Variants in MYOF observed in about 807,000 individuals in gnomAD.
The protein encoded by MYOF is fer-1-like 3, myoferlin.
A neutral mutation model predicts 284.2 loss-of-function variants in MYOF; 244 were observed. That is an observed-to-expected ratio of 0.86 (90% CI 0.77 to 0.95). The LOEUF is 0.95. MYOF is among the 40% of genes least tolerant of loss of function. The probability of loss-of-function intolerance (pLI) is 0.00; values close to 1 mark genes in which losing one functional copy is unlikely to be tolerated. For missense variants in MYOF, 2,496 were observed against 2,560.6 expected (o/e 0.97, Z 0.54); for synonymous variants, 904 against 919.7 (o/e 0.98, Z 0.31).
intron 45 of MYOF, among the ~76,000 whole-genome samples, chr10:93,327,149 A>T (rs527540848): frequency 6.6e-6 from 1 of 152,124 alleles, no homozygotes; most frequent in East Asian, 1.9e-4. Flanking sequence ...ACATGTAAGG[A>T]GCCTGGGTCT....
chr10:93,372,945 T>G lies in MYOF; in HGVS notation c.2442A>C (p.Gln814His). The G allele has an allele frequency of 6.2e-7, 1 of 1,614,222 alleles. No individual in the cohort carries two copies. Among genetic ancestry groups the G allele is most frequent in the Non-Finnish European group, 8.5e-7 (1 of 1,180,034 alleles). ...NASGKYCGKT[Q>H]TIFLKYPQEK... ...AGATATGTACCTTCAGAAAGATGGTTTGGGTTTTCCCACAGTATTTTCCAG... is the reference window on the plus strand; with the variant it reads ...AGATATGTACCTTCAGAAAGATGGTGTGGGTTTTCCCACAGTATTTTCCAG... Residue 814 changes from glutamine to histidine, a missense_variant, in exon 24 of 54, where the codon CAA becomes CAC. Gln to His is a conservative substitution (Grantham distance 24). Around this residue, in one of 3 missense-constraint regions of MYOF, gnomAD observed 2,436 missense variants for 2,480.7 expected, o/e 0.98. Coordinates refer to ENST00000359263, the MANE Select transcript of MYOF (RefSeq NM_013451.4).
At chr10:93,401,207 A>G (rs1847276716) in intron 12 of MYOF, among the ~76,000 whole-genome samples, 1 of 152,242 alleles carries the variant, frequency 6.6e-6, no homozygotes, top group Admixed American at 6.5e-5. Context: ...CAGGTACTCA[A>G]CAAGGAACAT....
intron 49 of MYOF, among the ~76,000 whole-genome samples, chr10:93,317,555 C>G (rs1163226316): frequency 6.6e-6 from 1 of 152,078 alleles, no homozygotes. Context: ...GAGAATCACT[C>G]AAACCTGGGA....
chr10:93,388,636 C>T (rs1846518528), intron 18 of MYOF, among the ~76,000 whole-genome samples: 1 of 152,204 alleles, frequency 6.6e-6, no homozygotes, highest in African/African-American at 2.4e-5. Flanking sequence ...AAGAGCATCT[C>T]CCATCTCTGG....
At chr10:93,318,743 A>C (rs1842728077) in intron 49 of MYOF, among the ~76,000 whole-genome samples, 1 of 152,162 alleles carries the variant, frequency 6.6e-6, no homozygotes, top group African/African-American at 2.4e-5. Context: ...GGGCAACAAC[A>C]GTGAAACTCT....
At chr10:93,454,064 C>G (rs2056671206) in intron 2 of MYOF, among the ~76,000 whole-genome samples, 2 of 152,120 alleles carry the variant, frequency 1.3e-5, no homozygotes, top group African/African-American at 2.4e-5. Flanking sequence ...TGCCTGTAAT[C>G]CCAGCTACCT....
intron 1 of MYOF, among the ~76,000 whole-genome samples, chr10:93,467,360 C>G (rs1269891502): frequency 1.4e-5 from 2 of 141,312 alleles, no homozygotes; most frequent in African/African-American, 5.3e-5. Context: ...TGTTCCCCTT[C>G]CTGTGTCCAT....
chr10:93,362,207 C>G (rs1452572475), intron 27 of MYOF, among the ~76,000 whole-genome samples: 2 of 151,194 alleles, frequency 1.3e-5, no homozygotes, highest in Admixed American at 1.3e-4. Context: ...CTCGGCCTCC[C>G]AAAGTGCTGG....
In MYOF at chr10:93,404,009, CTG is replaced by C; in HGVS notation, c.843+12_843+13del. On this transcript the variant is annotated intron_variant, in intron 9 of 53. Transcript: ENST00000359263. ...CTTTCTGTAAGTTGAATGAAGCAGA[CTG>C]TTGTCACTCACCTTAAATTCCCCCA... is the stretch of plus-strand genomic sequence containing the variant. The C allele has an allele frequency of 6.2e-7, 1 of 1,612,694 alleles. No individual in the cohort carries two copies. The highest frequency in any genetic ancestry group is 8.5e-7 in the Non-Finnish European group (1 of 1,178,716).
intron 53 of MYOF, among the ~76,000 whole-genome samples, chr10:93,308,332 C>T (rs1842223357): frequency 6.6e-6 from 1 of 151,638 alleles, no homozygotes; most frequent in Non-Finnish European, 1.5e-5. Context: ...CACCTATAAT[C>T]CTAGCACGTT....
chr10:93,379,608 G>A (rs1463144261), intron 21 of MYOF, among the ~76,000 whole-genome samples: 2 of 152,166 alleles, frequency 1.3e-5, no homozygotes, highest in East Asian at 1.9e-4. Context: ...GTAGTAGTGA[G>A]CTGCCTCTAC....
chr10:93,443,468 C>G (rs1327066126), intron 3 of MYOF, among the ~76,000 whole-genome samples: 16 of 114,718 alleles, frequency 1.4e-4, no homozygotes, highest in East Asian at 7.1e-4. Context: ...CTCTCTCTCT[C>G]TCTCTGTGTG....
At chr10:93,329,581 G>T in intron 44 of MYOF, 83 bp downstream of exon 44, 1 of 1,420,502 alleles carries the variant, frequency 7.0e-7, no homozygotes, top group Non-Finnish European at 9.8e-7. Flanking sequence ...GTGAAGGAAG[G>T]CACTAAGGTA....
At chr10:93,307,162 G>C (rs1235126082) in intron 53 of MYOF, among the ~76,000 whole-genome samples, 161 bp from the exon 54 acceptor site, 1 of 150,152 alleles carries the variant, frequency 6.7e-6, no homozygotes, top group African/African-American at 2.4e-5. Context: ...GCTTTCACTG[G>C]CCTCTACCCA....
intron 3 of MYOF, among the ~76,000 whole-genome samples, chr10:93,442,041 C>CACACACACACACAGAGAGAG (rs57700900): frequency 5.6e-5 from 8 of 142,628 alleles, no homozygotes; most frequent in African/African-American, 1.3e-4. Context: ...CACACACACA[C>CACACACACACACAGAGAGAG]AGAATAAACC....
chr10:93,341,068 G>A (rs769481514), intron 38 of MYOF, among the ~76,000 whole-genome samples: 1 of 152,086 alleles, frequency 6.6e-6, no homozygotes, highest in Non-Finnish European at 1.5e-5. Flanking sequence ...AGAGGCAGAG[G>A]GACAGATAGA....
chr10:93,314,546 A>G (rs1364026211), intron 50 of MYOF, among the ~76,000 whole-genome samples: 1 of 152,204 alleles, frequency 6.6e-6, no homozygotes, highest in Non-Finnish European at 1.5e-5. Flanking sequence ...GTGGCAGCAA[A>G]GAGCAACAAG....
At chr10:93,431,062 CTT>C (rs1294442228) in intron 4 of MYOF, among the ~76,000 whole-genome samples, 1 of 120,254 alleles carries the variant, frequency 8.3e-6, no homozygotes, top group Non-Finnish European at 1.7e-5. Flanking sequence ...GAGTTTCTCT[CTT>C]GTCACCCAGG....
intron 3 of MYOF, among the ~76,000 whole-genome samples, chr10:93,447,972 C>G (rs1277959353): frequency 6.6e-6 from 1 of 152,202 alleles, no homozygotes; most frequent in Non-Finnish European, 1.5e-5. Flanking sequence ...AGATCATAAG[C>G]AAAAGCTTTT....
Sources: allele counts gnomAD v4.1 joint callset (sites outside exome capture counted in the v4.1 genomes callset), GRCh38; gene constraint gnomAD v4.1.1; regional missense constraint gnomAD v4.1.1; transcripts MANE v1.5; gene names NCBI Gene and HGNC (gene_info 2026-07-23, HGNC 2026-07-21).